RMDN2: variants seen among roughly 807,000 people sequenced by gnomAD.
The protein encoded by RMDN2 is regulator of microtubule dynamics 2, also known as regulator of microtubule dynamics protein 2.
In RMDN2, 61 loss-of-function variants were observed where a neutral mutation model predicts 52.8. That is an observed-to-expected ratio of 1.16 (90% confidence interval 0.94 to 1.43). RMDN2 has a LOEUF of 1.43. RMDN2 is among the 40% of genes most tolerant of loss of function. The pLI is 0.00. For synonymous variants in RMDN2, 180 were observed against 153.1 expected (o/e 1.18, Z -1.30); for missense variants, 592 against 475.3 (o/e 1.25, Z -2.28).
chr2:37,970,681 G>A (rs1180794695), intron 2 of RMDN2, among the ~76,000 whole-genome samples: 1 of 152,148 alleles, frequency 6.6e-6, no homozygotes, highest in African/African-American at 2.4e-5. Context: ...ATTAGAGCAA[G>A]AGATAGAGAG....
At chr2:38,061,910 A>T (rs755215105) in intron 10 of RMDN2, among the ~76,000 whole-genome samples, 1 of 152,126 alleles carries the variant, frequency 6.6e-6, no homozygotes, top group Non-Finnish European at 1.5e-5. Context: ...CTGCTCTGAG[A>T]ATCTGGCACC....
At chr2:38,023,605 T>C (rs1419680597) in intron 10 of RMDN2, among the ~76,000 whole-genome samples, 1 of 152,190 alleles carries the variant, frequency 6.6e-6, no homozygotes, top group East Asian at 1.9e-4. Flanking sequence ...GGTTTGGTTA[T>C]GGACTTTGTG....
chr2:38,037,847 ACT>A (rs1213522550), intron 10 of RMDN2, among the ~76,000 whole-genome samples: 12 of 151,692 alleles, frequency 7.9e-5, no homozygotes, highest in African/African-American at 2.9e-4. Flanking sequence ...AGATGATGAA[ACT>A]CTTTCTGAGG....
intron 10 of RMDN2, among the ~76,000 whole-genome samples, chr2:38,037,312 C>T (rs1403535446): frequency 1.3e-5 from 2 of 152,232 alleles, no homozygotes; most frequent in Non-Finnish European, 2.9e-5. Flanking sequence ...CTTCAGGCTA[C>T]TTAAATTCTC....
intron 2 of RMDN2, chr2:37,951,196 A>G (rs375795578): frequency 1.4e-4 from 205 of 1,511,056 alleles, no homozygotes; most frequent in Non-Finnish European, 1.7e-4. Context: ...TCTGCTCCCT[A>G]TTTTTTTTCC....
At chr2:38,041,206 C>T (rs879555204) in intron 10 of RMDN2, among the ~76,000 whole-genome samples, 4 of 152,134 alleles carry the variant, frequency 2.6e-5, no homozygotes, top group Admixed American at 2.0e-4. Flanking sequence ...ATGAGACAAT[C>T]AACACTAAGG....
At chr2:37,965,012 T>G (rs1458878779) in intron 2 of RMDN2, among the ~76,000 whole-genome samples, 9 of 152,182 alleles carry the variant, frequency 5.9e-5, no homozygotes, top group Admixed American at 5.9e-4. Flanking sequence ...AATTTTTGAC[T>G]TAAAGTCTAT....
At chr2:37,973,514 T>G (rs1672065671) in intron 2 of RMDN2, among the ~76,000 whole-genome samples, 1 of 152,176 alleles carries the variant, frequency 6.6e-6, no homozygotes, top group Non-Finnish European at 1.5e-5. Flanking sequence ...ACAGCACATG[T>G]AGTAGATTAG....
chr2:37,961,387 C>G (rs13001294), intron 2 of RMDN2, among the ~76,000 whole-genome samples: 62,392 of 151,544 alleles, frequency 0.41, 14,142 homozygotes, highest in East Asian at 0.79. Flanking sequence ...TTGTTTGTTC[C>G]TTTGCATTCT....
intron 2 of RMDN2, 134 bp downstream of exon 2, chr2:37,929,863 TA>T: frequency 1.6e-6 from 1 of 621,764 alleles, no homozygotes; most frequent in Non-Finnish European, 2.7e-6. Context: ...TATTTTGACT[TA>T]GATTATAATT....
chr2:37,991,311 C>G lies in RMDN2; in HGVS notation c.945+14C>G. ...TACTGCTATACTGTAAGTTGAATGC[C>G]TTTATTTATAAACTTTATTTGAATA... On this transcript the variant is annotated intron_variant, in intron 7 of 10. Coordinates refer to ENST00000354545, the MANE Select transcript of RMDN2 (RefSeq NM_001170791.3). The G allele has an allele frequency of 7.5e-7, 1 of 1,331,196 alleles. No homozygotes were observed. The highest frequency in any genetic ancestry group is 1.0e-6 in the Non-Finnish European group (1 of 980,180). The allele number at this position is 1,331,196 out of a possible 1,614,324, so 82.5% of individuals were successfully genotyped here.
intron 10 of RMDN2, among the ~76,000 whole-genome samples, chr2:38,031,886 C>T (rs1680234347): frequency 6.6e-6 from 1 of 152,160 alleles, no homozygotes; most frequent in African/African-American, 2.4e-5. Flanking sequence ...ACTTAAGTTT[C>T]TTGCCCAAAG....
At chr2:37,945,033 ATAGTATCAC>A (rs1668110622) in intron 2 of RMDN2, among the ~76,000 whole-genome samples, 1 of 152,214 alleles carries the variant, frequency 6.6e-6, no homozygotes, top group Non-Finnish European at 1.5e-5. Context: ...CGAAGAAAGA[ATAGTATCAC>A]TTGCAGACTC....
intron 8 of RMDN2, among the ~76,000 whole-genome samples, chr2:38,002,360 G>C (rs1676432899): frequency 6.6e-6 from 1 of 152,156 alleles, no homozygotes; most frequent in African/African-American, 2.4e-5. Flanking sequence ...AATAAATCAA[G>C]ATGTCCAATG....
intron 2 of RMDN2, among the ~76,000 whole-genome samples, chr2:37,973,339 T>C (rs908050585): frequency 6.6e-6 from 1 of 152,174 alleles, no homozygotes; most frequent in Non-Finnish European, 1.5e-5. Context: ...TATAAATATG[T>C]GTTTTTGTGA....
At chr2:37,924,857 G>C (rs1031388962), upstream of RMDN2, among the ~76,000 whole-genome samples, 3 of 152,248 alleles carry the variant, frequency 2.0e-5, no homozygotes, top group Non-Finnish European at 1.5e-5. Context: ...CTATGAACAC[G>C]GGGCTGCAGA....
chr2:37,994,288 T>A (rs534874457), intron 7 of RMDN2, among the ~76,000 whole-genome samples: 1 of 152,218 alleles, frequency 6.6e-6, no homozygotes. Context: ...ATCGGATAGA[T>A]GAGCAGCATG....
rs746699937 is a variant in RMDN2, at chr2:37,974,008, A to C, written c.453-32A>C. The C allele has an allele frequency of 2.6e-6, 4 of 1,556,166 alleles. No individual in the cohort carries two copies. In the South Asian group the frequency reaches 4.6e-5, roughly 18 times the overall value. ...GCTCTGGCTATTATACTTAACTTTC[A>C]AAGGAGTTGATGATTATTTCTGCGA... On this transcript the variant is annotated intron_variant, in intron 2 of 10. Coordinates refer to ENST00000354545, the MANE Select transcript of RMDN2 (RefSeq NM_001170791.3).
At chr2:37,952,916 A>G in intron 2 of RMDN2, 1 of 152,046 alleles carries the variant, frequency 6.6e-6, no homozygotes, top group Non-Finnish European at 1.5e-5. Context: ...AATATTTTTC[A>G]TTTTTTTCCG....
Sources: gnomAD v4.1 joint callset for allele counts (sites outside exome capture counted in the v4.1 genomes callset) on GRCh38, gnomAD v4.1.1 for gene constraint, MANE v1.5 for transcripts, NCBI Gene and HGNC (gene_info 2026-07-23, HGNC 2026-07-21) for gene names.